The following TENT2 variants were observed in gnomAD, a reference collection of about 807,000 sequenced individuals.
TENT2 encodes poly(A) RNA polymerase GLD2.
In TENT2, 44 loss-of-function variants were observed where a neutral mutation model predicts 72.2. The ratio of observed to expected loss-of-function variants is 0.61; its 90% CI spans 0.48 to 0.78. TENT2 has a LOEUF of 0.78. Ranked by LOEUF, TENT2 falls within the 30% of genes least tolerant of loss-of-function variation. The probability of loss-of-function intolerance (pLI) is 0.00; values close to 1 mark genes in which losing one functional copy is unlikely to be tolerated. For missense variants in TENT2, 541 were observed against 569.6 expected, an observed-to-expected ratio of 0.95 and a Z score of 0.51; for synonymous variants, 212 against 192.5, an observed-to-expected ratio of 1.10 and a Z score of -0.84.
intron 14 of TENT2, among the ~76,000 whole-genome samples, chr5:79,683,682 G>T (rs557581133): frequency 2.0e-5 from 3 of 151,828 alleles, no homozygotes; most frequent in Non-Finnish European, 4.4e-5. Flanking sequence ...TTGGGAGGCC[G>T]AGGCGGGCGG....
intron 14 of TENT2, among the ~76,000 whole-genome samples, chr5:79,682,475 G>C (rs1822811446): frequency 6.8e-6 from 1 of 146,076 alleles, no homozygotes; most frequent in Admixed American, 6.9e-5. Context: ...TGTAGAGACA[G>C]GGTTTCACCA....
intron 12 of TENT2, among the ~76,000 whole-genome samples, chr5:79,672,831 G>T (rs925238648): frequency 1.3e-5 from 2 of 152,138 alleles, no homozygotes; most frequent in African/African-American, 4.8e-5. Flanking sequence ...CCTAGGAGTG[G>T]GATTGCTGGA....
rs1301954312 is a variant in TENT2, at chr5:79,687,795, C to G, written c.*2522C>G. Among the ~76,000 whole-genome samples, 1 of 152,142 alleles carries G rather than the reference C, an allele frequency of 6.6e-6. No homozygotes were observed. Among genetic ancestry groups the G allele is most frequent in the African/African-American group, 2.4e-5 (1 of 41,420 alleles). ...ATTCTAAATTTTGGATTGATTTGAACTAGGATCTTTGCAAATAAATCTCAT... is the reference window on the plus strand; with the variant it reads ...ATTCTAAATTTTGGATTGATTTGAAGTAGGATCTTTGCAAATAAATCTCAT... On this transcript the variant is annotated 3_prime_UTR_variant, in exon 15 of 15. Coordinates refer to ENST00000453514, the MANE Select transcript of TENT2 (RefSeq NM_001114394.3).
At chr5:79,641,389 A>G (rs1359591933) in intron 6 of TENT2, among the ~76,000 whole-genome samples, 193 bp downstream of exon 6, 1 of 150,822 alleles carries the variant, frequency 6.6e-6, no homozygotes, top group African/African-American at 2.4e-5. Context: ...TAGGAAGTAT[A>G]GCATTAATTT....
At chr5:79,635,395 A>C (rs1219851776) in intron 4 of TENT2, among the ~76,000 whole-genome samples, 7 of 152,146 alleles carry the variant, frequency 4.6e-5, no homozygotes, top group Non-Finnish European at 1.5e-5. Flanking sequence ...GGGAAAGAAA[A>C]AGTGTTTCCA....
At chr5:79,623,749 T>C (rs1766965707) in intron 4 of TENT2, 1 of 291,798 alleles carries the variant, frequency 3.4e-6, no homozygotes, top group Non-Finnish European at 6.3e-6. Flanking sequence ...TTTCTGAGTT[T>C]AGAGAACTGT....
At chr5:79,643,486 CT>C (rs752260603) in intron 7 of TENT2, among the ~76,000 whole-genome samples, 80 of 152,176 alleles carry the variant, frequency 5.3e-4, no homozygotes, top group Non-Finnish European at 9.1e-4. Flanking sequence ...TTCTTTTAAA[CT>C]TCCATAGAAT....
chr5:79,666,236 G>T (rs1444378374), intron 11 of TENT2, among the ~76,000 whole-genome samples: 1 of 141,440 alleles, frequency 7.1e-6, no homozygotes, highest in South Asian at 2.1e-4. Flanking sequence ...GGAACCGCTC[G>T]CCTCGGCCTC....
At chr5:79,670,137 T>C (rs942709245) in intron 12 of TENT2, among the ~76,000 whole-genome samples, 17 of 151,206 alleles carry the variant, frequency 1.1e-4, no homozygotes, top group African/African-American at 4.1e-4. Context: ...GAGAAACGCT[T>C]GAACCTGGGA....
rs1763200785 is a variant in TENT2, at chr5:79,619,705, T to C, written c.57T>C (p.His19=). The C allele has an allele frequency of 6.2e-7, 1 of 1,613,852 alleles. No homozygotes were observed. Among genetic ancestry groups the C allele is most frequent in the Non-Finnish European group, 8.5e-7 (1 of 1,179,790 alleles). ...CCTTCACTCCAAATCATCAACAACA[T>C]AATAACTTCTTTACCCTGTCACCTA... is the stretch of plus-strand genomic sequence containing the variant. ...RPPFTPNHQQ[H]NNFFTLSPTV... The change falls in exon 2 of 15, where the codon CAT becomes CAC. Residue 19 remains histidine (H), a synonymous_variant. Transcript: ENST00000453514.
chr5:79,657,818 ATTG>A (rs1799005314), intron 11 of TENT2, among the ~76,000 whole-genome samples: 1 of 152,142 alleles, frequency 6.6e-6, no homozygotes. Flanking sequence ...ATTTTTACAT[ATTG>A]GTTTCATATA....
chr5:79,628,265 A>G (rs1772078600), intron 4 of TENT2, among the ~76,000 whole-genome samples: 1 of 152,212 alleles, frequency 6.6e-6, no homozygotes, highest in Admixed American at 6.6e-5. Flanking sequence ...GTTCAGTGTG[A>G]GATAAAGTGG....
chr5:79,676,152 ATATATATG>A (rs1437248890), intron 12 of TENT2, among the ~76,000 whole-genome samples: 2 of 133,528 alleles, frequency 1.5e-5, no homozygotes, highest in African/African-American at 6.9e-5. Flanking sequence ...ATATATATAC[ATATATATG>A]TATACACACA....
At chr5:79,662,372 G>A (rs368078351) in intron 11 of TENT2, among the ~76,000 whole-genome samples, 59 of 152,124 alleles carry the variant, frequency 3.9e-4, no homozygotes, top group Non-Finnish European at 6.2e-4. Flanking sequence ...TGTTCTTAAC[G>A]GTATCTAGAA....
At chr5:79,663,348 CT>C (rs1333083072) in intron 11 of TENT2, among the ~76,000 whole-genome samples, 2 of 152,196 alleles carry the variant, frequency 1.3e-5, no homozygotes, top group Non-Finnish European at 2.9e-5. Context: ...GCCTGGCTGT[CT>C]TTGGTGCAAG....
intron 1 of TENT2, among the ~76,000 whole-genome samples, chr5:79,613,621 G>T (rs2149758965): frequency 6.6e-6 from 1 of 152,286 alleles, no homozygotes; most frequent in South Asian, 2.1e-4. Context: ...GGTGTGAATA[G>T]CCCTAATTAT....
At chr5:79,655,041 G>A (rs1261795406) in intron 10 of TENT2, among the ~76,000 whole-genome samples, 1 of 152,090 alleles carries the variant, frequency 6.6e-6, no homozygotes, top group East Asian at 1.9e-4. Context: ...GCCTTTGAGA[G>A]AGAAATTTAA....
chr5:79,622,300 C>CA lies in TENT2; in HGVS notation c.228-942dup, dbSNP rs1289601455. On this transcript the variant is annotated intron_variant, in intron 3 of 14. Coordinates refer to ENST00000453514, the MANE Select transcript of TENT2 (RefSeq NM_001114394.3). ...CCGGCAACAGAGGAAGACTCTGTCT[C>CA]AAAAAAAAAACCTTCTATGACCCAT... is the stretch of plus-strand genomic sequence containing the variant. 1.0e-3 allele frequency among the ~76,000 whole-genome samples: 147 copies of CA among 146,096 alleles called. 2 individuals carry two copies. Among genetic ancestry groups the CA allele is most frequent in the Admixed American group, 2.5e-3 (36 of 14,692 alleles).
chr5:79,682,818 G>A (rs1359722882), intron 14 of TENT2, among the ~76,000 whole-genome samples: 4 of 152,056 alleles, frequency 2.6e-5, no homozygotes, highest in African/African-American at 9.7e-5. Context: ...TGTGTTTATA[G>A]TATGAATTTA....
Sources: allele counts gnomAD v4.1 joint callset (sites outside exome capture counted in the v4.1 genomes callset), GRCh38; gene constraint gnomAD v4.1.1; transcripts MANE v1.5; gene names NCBI Gene and HGNC (gene_info 2026-07-23, HGNC 2026-07-21).